NRXN1: variants seen among roughly 807,000 people sequenced by gnomAD.
NRXN1 encodes the protein neurexin 1, also known as neurexin-1.
A neutral mutation model predicts 150.9 loss-of-function variants in NRXN1; 39 were observed. That is an observed-to-expected ratio of 0.26 (90% CI 0.20 to 0.34). The LOEUF is 0.34. Among genes scored for constraint, NRXN1 ranks in the 10% least tolerant of loss-of-function variants. The pLI is 1.00. For synonymous variants in NRXN1, 924 were observed against 757.0 expected (o/e 1.22, Z -3.62); for missense variants, 1,815 against 1,949.9 (o/e 0.93, Z 1.30).
intron 5 of NRXN1, among the ~76,000 whole-genome samples, chr2:50,769,246 A>G (rs944063235): frequency 3.3e-5 from 5 of 151,998 alleles, no homozygotes; most frequent in African/African-American, 1.2e-4. Flanking sequence ...AGGGCTCTTA[A>G]AACCTGCAGT....
intron 18 of NRXN1, among the ~76,000 whole-genome samples, chr2:50,196,476 C>A (rs568874528): frequency 3.3e-5 from 5 of 152,072 alleles, no homozygotes; most frequent in African/African-American, 1.2e-4. Context: ...ACTTTCCACA[C>A]GAAATGATTT....
intron 2 of NRXN1, among the ~76,000 whole-genome samples, chr2:50,962,802 A>T (rs1693423795): frequency 6.6e-6 from 1 of 151,588 alleles, no homozygotes; most frequent in Non-Finnish European, 1.5e-5. Context: ...CTCCCAAATG[A>T]TCTCAATTTT....
At chr2:50,989,217 C>T (rs959640360) in intron 2 of NRXN1, among the ~76,000 whole-genome samples, 5 of 151,938 alleles carry the variant, frequency 3.3e-5, no homozygotes, top group Non-Finnish European at 5.9e-5. Context: ...TTACTAATGA[C>T]AGTAAAATAA....
intron 5 of NRXN1, among the ~76,000 whole-genome samples, chr2:50,709,200 T>C (rs973224352): frequency 1.3e-5 from 2 of 152,162 alleles, no homozygotes; most frequent in African/African-American, 4.8e-5. Flanking sequence ...TGGCACGTGA[T>C]ATTTGCACAC....
At chr2:50,571,106 T>C (rs965988334) in intron 8 of NRXN1, among the ~76,000 whole-genome samples, 1 of 152,160 alleles carries the variant, frequency 6.6e-6, no homozygotes, top group African/African-American at 2.4e-5. Context: ...TTACTGGCCA[T>C]GGCTTTAGCT....
chr2:50,103,983 T>G (rs759680089), intron 18 of NRXN1, among the ~76,000 whole-genome samples: 1 of 152,056 alleles, frequency 6.6e-6, no homozygotes, highest in African/African-American at 2.4e-5. Context: ...TCCTTCTGCC[T>G]GGTTAGCTGT....
intron 5 of NRXN1, among the ~76,000 whole-genome samples, chr2:50,843,363 T>A (rs1449761534): frequency 6.6e-6 from 1 of 152,212 alleles, no homozygotes; most frequent in African/African-American, 2.4e-5. Context: ...TTCTTGCTCC[T>A]GTTGTTTAAG....
intron 22 of NRXN1, among the ~76,000 whole-genome samples, chr2:49,928,892 A>C (rs980323516): frequency 1.3e-5 from 2 of 152,142 alleles, no homozygotes; most frequent in Non-Finnish European, 2.9e-5. Context: ...TCTGAAGTAC[A>C]CTTACGGAGG....
chr2:49,950,395 T>TA lies in NRXN1; in HGVS notation c.4129-6605dup, dbSNP rs763294676. On this transcript the variant is annotated intron_variant, in intron 21 of 22. Transcript: ENST00000401669. ...ATAAAAATAATAAGCTGAGATCCAG[T>TA]ATGTGGAGGATGAATTTTACCTCCA... Among the ~76,000 whole-genome samples the TA allele has an allele frequency of 8.6e-5, 13 of 152,012 alleles. No individual in the cohort carries two copies. In the South Asian group the frequency reaches 1.0e-3, roughly 12 times the overall value.
chr2:51,017,110 G>C (rs1047098603), intron 2 of NRXN1, among the ~76,000 whole-genome samples: 1 of 151,884 alleles, frequency 6.6e-6, no homozygotes, highest in Non-Finnish European at 1.5e-5. Flanking sequence ...GTCAGGGGGT[G>C]GGGGTCTAGG....
chr2:50,539,454 T>C (rs2093342270), intron 9 of NRXN1, among the ~76,000 whole-genome samples: 1 of 152,122 alleles, frequency 6.6e-6, no homozygotes, highest in Admixed American at 6.5e-5. Context: ...AAGTCCTAAG[T>C]ATGGAATAAC....
At chr2:50,394,472 C>A (rs974597618) in intron 17 of NRXN1, among the ~76,000 whole-genome samples, 1 of 151,944 alleles carries the variant, frequency 6.6e-6, no homozygotes, top group Admixed American at 6.6e-5. Flanking sequence ...ATTTAAATTC[C>A]GCTTTCTTCC....
At chr2:50,724,923 CAA>C (rs961060547) in intron 5 of NRXN1, among the ~76,000 whole-genome samples, 6 of 150,806 alleles carry the variant, frequency 4.0e-5, no homozygotes, top group Non-Finnish European at 8.9e-5. Flanking sequence ...AACAAATAAA[CAA>C]AAAAACTGTT....
chr2:50,147,024 C>A (rs1708102760), intron 18 of NRXN1, among the ~76,000 whole-genome samples: 1 of 151,626 alleles, frequency 6.6e-6, no homozygotes, highest in Non-Finnish European at 1.5e-5. Flanking sequence ...TTAATTTTAT[C>A]CTATTTTGTT....
chr2:50,429,128 C>G (rs1315627267), intron 17 of NRXN1, among the ~76,000 whole-genome samples: 2 of 151,856 alleles, frequency 1.3e-5, no homozygotes, highest in African/African-American at 4.8e-5. Flanking sequence ...TAAAAGTAGT[C>G]ATAATAATGG....
chr2:50,215,646 A>G (rs901107896), intron 18 of NRXN1, among the ~76,000 whole-genome samples: 5 of 152,042 alleles, frequency 3.3e-5, no homozygotes, highest in Admixed American at 2.0e-4. Context: ...TACCTTTTGA[A>G]GTTGTTTTAA....
chr2:50,285,235 G>A (rs2071979582), intron 17 of NRXN1, among the ~76,000 whole-genome samples: 1 of 152,072 alleles, frequency 6.6e-6, no homozygotes, highest in Admixed American at 6.5e-5. Context: ...AAAGATTATT[G>A]CAAGCTTTAT....
At position 50,905,565 on chromosome 2, in the gene NRXN1, A is replaced by C. The variant is rs116258469; in HGVS notation, c.832+16304T>G. Among the ~76,000 whole-genome samples, 1,353 of 152,186 alleles carry C rather than the reference A, an allele frequency of 8.9e-3. 22 individuals are homozygous for C. Among genetic ancestry groups the C allele is most frequent in the African/African-American group, 0.03 (1,265 of 41,562 alleles). ...TTGCAGCCACACAACATCCCTCACT[A>C]TAATCATGCTTTGCTTGAAGCTGTT... On this transcript the variant is annotated intron_variant, in intron 5 of 22. Transcript: ENST00000401669.
At position 50,550,664 on chromosome 2, in the gene NRXN1, CTTA is replaced by C. The variant is rs201990684; in HGVS notation, c.1759+1920_1759+1922del. On this transcript the variant is annotated intron_variant, in intron 9 of 22. Coordinates refer to ENST00000401669, the MANE Select transcript of NRXN1 (RefSeq NM_001330078.2). ...ATTCCCATCAATGAACTCTTCTCAG[CTTA>C]TTTTTATTTTTATTTTTTATTTTTT... Among the ~76,000 whole-genome samples, 127 of 150,412 alleles carry C rather than the reference CTTA, an allele frequency of 8.4e-4. 2 individuals carry two copies. In the East Asian group the frequency reaches 0.015, roughly 18 times the overall value.
Sources: gnomAD v4.1 joint callset for allele counts (sites outside exome capture counted in the v4.1 genomes callset) on GRCh38, gnomAD v4.1.1 for gene constraint, MANE v1.5 for transcripts, NCBI Gene and HGNC (gene_info 2026-07-23, HGNC 2026-07-21) for gene names.